The following CIB4 variants were observed in gnomAD, a reference collection of about 807,000 sequenced individuals.
The protein encoded by CIB4 is calcium and integrin-binding family member 4.
Under a neutral mutation model 25.8 loss-of-function variants are expected in CIB4, and 25 were observed. The observed-to-expected ratio is 0.97, with a 90% CI of 0.71 to 1.35. The LOEUF is 1.35. Among genes scored for constraint, CIB4 ranks in the 40% most tolerant of loss-of-function variants. The pLI, the probability that CIB4 is intolerant of heterozygous loss-of-function variation, is 0.00. For missense variants in CIB4, 235 were observed against 228.2 expected (o/e 1.03, Z -0.19); for synonymous variants, 75 against 81.4 (o/e 0.92, Z 0.42).
At chr2:26,640,696 G>GCT in intron 1 of CIB4, 129 bp from the exon 2 acceptor site, 1 of 944,488 alleles carries the variant, frequency 1.1e-6, no homozygotes, top group Non-Finnish European at 1.6e-6. Flanking sequence ...GGGAACCCCA[G>GCT]GTTGAGGTGG....
intron 2 of CIB4, among the ~76,000 whole-genome samples, chr2:26,633,263 C>T (rs976780570): frequency 2.0e-5 from 3 of 152,184 alleles, no homozygotes; most frequent in Non-Finnish European, 2.9e-5. Flanking sequence ...GCCTCTGTGC[C>T]GGGTGCACTC....
intron 3 of CIB4, among the ~76,000 whole-genome samples, chr2:26,626,480 C>G (rs1394993034): frequency 6.6e-6 from 1 of 151,494 alleles, no homozygotes; most frequent in Non-Finnish European, 1.5e-5. Context: ...AGGAAATAAG[C>G]CAAAATGATT....
In CIB4 at chr2:26,605,632, G is replaced by T. The variant is rs1326231026; in HGVS notation, c.187-10315C>A. The T allele has an allele frequency of 2.4e-5, 11 of 460,538 alleles. No homozygotes were observed. In the East Asian group the frequency reaches 7.1e-4, roughly 30 times the overall value. The allele number at this position is 460,538 out of a possible 1,614,324, so 28.5% of individuals were successfully genotyped here. A position where few individuals can be genotyped will look rare whatever the true frequency, so the allele number is the denominator to read the frequency against. On this transcript the variant is annotated intron_variant, in intron 3 of 6. Transcript: ENST00000288861. ...AGCACTAGAGTATCTCTACCAGAAG[G>T]TGGCAGTGTTGGGTCAGCATCATTC...
intron 2 of CIB4, among the ~76,000 whole-genome samples, chr2:26,637,646 T>A (rs999034754): frequency 4.6e-5 from 7 of 152,210 alleles, no homozygotes; most frequent in African/African-American, 1.7e-4. Context: ...TTACTTCACC[T>A]GTGTCCTCTT....
At position 26,640,002 on chromosome 2, in the gene CIB4, C is replaced by G. The variant is rs1669604987; in HGVS notation, c.89+531G>C. 2.0e-5 allele frequency among the ~76,000 whole-genome samples: 3 copies of G among 152,088 alleles called. No homozygotes were observed. In the South Asian group the frequency reaches 6.2e-4, roughly 32 times the overall value. On this transcript the variant is annotated intron_variant, in intron 2 of 6. Transcript: ENST00000288861. ...CACGTTGAATGAAGTTTCTTCCCCA[C>G]TGGACAGCGGTCCGCATGACAACAG... is the stretch of plus-strand genomic sequence containing the variant.
intron 4 of CIB4, among the ~76,000 whole-genome samples, chr2:26,586,803 C>T (rs1488596139): frequency 1.3e-5 from 2 of 152,206 alleles, no homozygotes; most frequent in Non-Finnish European, 2.9e-5. Flanking sequence ...CATTTGCCAG[C>T]CTCCGTTGCT....
intron 4 of CIB4, among the ~76,000 whole-genome samples, chr2:26,584,488 C>T (rs538981684): frequency 8.3e-4 from 127 of 152,312 alleles, no homozygotes; most frequent in African/African-American, 3.0e-3. Context: ...TGAAGGGGGA[C>T]AATGGTCCTT....
At position 26,608,937 on chromosome 2, in the gene CIB4, C is replaced by T. The variant is rs562741904; in HGVS notation, c.187-13620G>A. Among the ~76,000 whole-genome samples, 5 of 152,286 alleles carry T rather than the reference C, an allele frequency of 3.3e-5. No homozygotes were observed. The East Asian group carries it at 9.6e-4, about 29-fold the overall frequency. On this transcript the variant is annotated intron_variant, in intron 3 of 6. Transcript: ENST00000288861. ...CTTCCACCTGAGATGAGCTGTCTCTCCTGCAAGCCTGTCCTTTAACTGGCT... is the reference window on the plus strand; with the variant it reads ...CTTCCACCTGAGATGAGCTGTCTCTTCTGCAAGCCTGTCCTTTAACTGGCT...
At chr2:26,603,642 T>C (rs1668835071) in intron 3 of CIB4, among the ~76,000 whole-genome samples, 1 of 152,044 alleles carries the variant, frequency 6.6e-6, no homozygotes, top group Non-Finnish European at 1.5e-5. Context: ...GTGTTTAGCA[T>C]CCAGTAAAAA....
intron 3 of CIB4, among the ~76,000 whole-genome samples, chr2:26,607,312 T>C (rs1668908170): frequency 6.6e-6 from 1 of 152,218 alleles, no homozygotes; most frequent in African/African-American, 2.4e-5. Flanking sequence ...AATATTTTAA[T>C]AGTGCAACTT....
intron 3 of CIB4, among the ~76,000 whole-genome samples, chr2:26,605,083 T>G (rs1213853336): frequency 6.6e-6 from 1 of 152,126 alleles, no homozygotes; most frequent in Non-Finnish European, 1.5e-5. Flanking sequence ...AAATGTTATT[T>G]GAACACAACA....
At chr2:26,640,850 G>T (rs1336385954) in intron 1 of CIB4, among the ~76,000 whole-genome samples, 1 of 152,188 alleles carries the variant, frequency 6.6e-6, no homozygotes. Context: ...GCAGGAGACA[G>T]ATGGAGGAAG....
chr2:26,641,322 A>G lies in CIB4; in HGVS notation c.-8T>C, dbSNP rs766947640. The G allele has an allele frequency of 6.2e-7, 1 of 1,612,758 alleles. No individual in the cohort carries two copies. The highest frequency in any genetic ancestry group is 8.5e-7 in the Non-Finnish European group (1 of 1,179,110). ...CCTCAAGCATTGCCCCATGCCAACC[A>G]CACCTTTCTGTCTGCCAGCAGTAGA... On this transcript the variant is annotated 5_prime_UTR_variant, in exon 1 of 7. Coordinates refer to ENST00000288861, the MANE Select transcript of CIB4 (RefSeq NM_001029881.3).
At chr2:26,590,853 AG>A (rs1668575008) in intron 4 of CIB4, among the ~76,000 whole-genome samples, 2 of 152,170 alleles carry the variant, frequency 1.3e-5, no homozygotes, top group South Asian at 4.1e-4. Context: ...CTGTGCTGCA[AG>A]GGGCCTGGAG....
At position 26,627,305 on chromosome 2, in the gene CIB4, T is replaced by C. The variant is rs1310042751; in HGVS notation, c.186+2105A>G. Reference sequence around the variant, plus strand: ...GGAACTAGTCCAGACTCTTCCATCATGTGGCCCCTTGGAAGTTGTTTCCCT... The same window carrying C: ...GGAACTAGTCCAGACTCTTCCATCACGTGGCCCCTTGGAAGTTGTTTCCCT... On this transcript the variant is annotated intron_variant, in intron 3 of 6. Transcript: ENST00000288861. This position sits in a 1 kb window ranked among gnomAD's most constrained non-coding sequence, Gnocchi z 4.0. Among the ~76,000 whole-genome samples, 1 of 152,222 alleles carries C rather than the reference T, an allele frequency of 6.6e-6. No individual in the cohort carries two copies. Among genetic ancestry groups the C allele is most frequent in the African/African-American group, 2.4e-5 (1 of 41,454 alleles).
In CIB4 at chr2:26,629,483, A is replaced by C; in HGVS notation, c.113T>G (p.Leu38Arg). ...ILCIHDTFLK[L>R]CPPGKYYKEA... ...CTTGTAGTACTTCCCAGGAGGGCAG[A>C]GCTTCAGGAAGGTGTCATGGATGCT... The change falls in exon 3 of 7, where the codon CTC becomes CGC. Residue 38 changes from leucine to arginine, a missense_variant. Physicochemically the swap from Leu to Arg is moderately radical, Grantham distance 102. Coordinates refer to ENST00000288861, the MANE Select transcript of CIB4 (RefSeq NM_001029881.3). 6.3e-7 allele frequency: 1 copy of C among 1,575,402 alleles called. No homozygotes were observed.
intron 3 of CIB4, among the ~76,000 whole-genome samples, chr2:26,602,693 A>T (rs1228304997): frequency 6.6e-6 from 1 of 152,174 alleles, no homozygotes; most frequent in East Asian, 1.9e-4. Flanking sequence ...TACCATCCTC[A>T]CCAAATGATC....
In CIB4 at chr2:26,627,281, G is replaced by T. The variant is rs1056561252; in HGVS notation, c.186+2129C>A. ...GTTCAAGCTGACTCCCCCAGAGCAG[G>T]AACTAGTCCAGACTCTTCCATCATG... On this transcript the variant is annotated intron_variant, in intron 3 of 6. Transcript: ENST00000288861. This position sits in a 1 kb window ranked among gnomAD's most constrained non-coding sequence, Gnocchi z 4.0. Among the ~76,000 whole-genome samples, 20 of 152,172 alleles carry T rather than the reference G, an allele frequency of 1.3e-4. No individual in the cohort carries two copies. Among genetic ancestry groups the T allele is most frequent in the Non-Finnish European group, 5.9e-5 (4 of 68,044 alleles).
intron 2 of CIB4, among the ~76,000 whole-genome samples, chr2:26,629,937 A>C (rs67888806): frequency 0.19 from 28,322 of 152,096 alleles, 3,601 homozygotes; most frequent in East Asian, 0.38. Context: ...GCCAATTTCC[A>C]TCCTCAACCC....
Sources: allele counts gnomAD v4.1 joint callset (sites outside exome capture counted in the v4.1 genomes callset), GRCh38; gene constraint gnomAD v4.1.1; non-coding constraint Gnocchi (gnomAD v3.1); transcripts MANE v1.5; gene names NCBI Gene and HGNC (gene_info 2026-07-23, HGNC 2026-07-21).